Variants in PLPP4 observed in about 807,000 individuals in gnomAD.
PLPP4 encodes phospholipid phosphatase 4, also known as diacylglycerol pyrophosphate like 2.
Under a neutral mutation model 32.2 loss-of-function variants are expected in PLPP4, and 20 were observed. That is an observed-to-expected ratio of 0.62 (90% CI 0.44 to 0.90). The LOEUF is 0.90. Among genes scored for constraint, PLPP4 ranks in the 40% least tolerant of loss-of-function variants. The pLI, the probability that PLPP4 is intolerant of heterozygous loss-of-function variation, is 0.00. For missense variants in PLPP4, 257 were observed against 353.1 expected, an observed-to-expected ratio of 0.73 and a Z score of 2.18; for synonymous variants, 127 against 133.0, an observed-to-expected ratio of 0.95 and a Z score of 0.31.
intron 5 of PLPP4, among the ~76,000 whole-genome samples, chr10:120,560,778 G>A (rs914306492): frequency 6.6e-6 from 1 of 152,076 alleles, no homozygotes; most frequent in Non-Finnish European, 1.5e-5. Flanking sequence ...TAAAAAAATA[G>A]TGGTATTAAT....
intron 2 of PLPP4, among the ~76,000 whole-genome samples, chr10:120,506,041 T>G (rs1383579095): frequency 6.6e-6 from 1 of 152,196 alleles, no homozygotes; most frequent in Non-Finnish European, 1.5e-5. Flanking sequence ...CCACAAATAT[T>G]CTGGCTACAG....
At chr10:120,497,894 G>A (rs935838482) in intron 1 of PLPP4, among the ~76,000 whole-genome samples, 3 of 151,996 alleles carry the variant, frequency 2.0e-5, no homozygotes, top group African/African-American at 7.2e-5. Flanking sequence ...CAAAAAATTA[G>A]CCAGGCGTGG....
chr10:120,484,714 G>A (rs1046367479), intron 1 of PLPP4, among the ~76,000 whole-genome samples: 7 of 152,264 alleles, frequency 4.6e-5, no homozygotes, highest in South Asian at 2.1e-4. Context: ...GGACACATTC[G>A]AACCATAAAA....
chr10:120,516,736 C>T (rs1312617289), intron 3 of PLPP4, among the ~76,000 whole-genome samples: 2 of 152,172 alleles, frequency 1.3e-5, no homozygotes, highest in Admixed American at 6.5e-5. Context: ...TGGGTTATTG[C>T]TAATGAACAA....
At chr10:120,576,460 T>C (rs1849228600) in intron 6 of PLPP4, among the ~76,000 whole-genome samples, 1 of 152,216 alleles carries the variant, frequency 6.6e-6, no homozygotes, top group Admixed American at 6.5e-5. Flanking sequence ...AACTCCTAGC[T>C]GAGAGCCCCT....
intron 5 of PLPP4, among the ~76,000 whole-genome samples, chr10:120,526,642 C>T (rs1846405070): frequency 6.6e-6 from 1 of 152,154 alleles, no homozygotes; most frequent in African/African-American, 2.4e-5. Context: ...GGCATGCCCT[C>T]TACTCATCTG....
intron 1 of PLPP4, among the ~76,000 whole-genome samples, chr10:120,493,176 A>G (rs1391707840): frequency 6.6e-6 from 1 of 152,228 alleles, no homozygotes; most frequent in Non-Finnish European, 1.5e-5. Flanking sequence ...GTCAGAGCAC[A>G]TATGTTTCAT....
At chr10:120,577,784 T>C (rs1015250830) in intron 6 of PLPP4, among the ~76,000 whole-genome samples, 1 of 152,170 alleles carries the variant, frequency 6.6e-6, no homozygotes, top group Admixed American at 6.5e-5. Context: ...ACTTATACCC[T>C]TGGAGTCAGC....
At position 120,463,248 on chromosome 10, in the gene PLPP4, G is replaced by A. The variant is rs181242478; in HGVS notation, c.56+5887G>A. 1.8e-4 allele frequency among the ~76,000 whole-genome samples: 28 copies of A among 152,098 alleles called. No individual in the cohort carries two copies. In the South Asian group the frequency reaches 2.9e-3, roughly 16 times the overall value. ...TCACCATGTTAGCCAGGATGGTCTC[G>A]ATCTCCTGACCTCGTGATCTGCCCA... On this transcript the variant is annotated intron_variant, in intron 1 of 6. Coordinates refer to ENST00000398250, the MANE Select transcript of PLPP4 (RefSeq NM_001030059.3).
chr10:120,541,434 C>T (rs923249653), intron 5 of PLPP4, among the ~76,000 whole-genome samples: 1 of 152,190 alleles, frequency 6.6e-6, no homozygotes, highest in Non-Finnish European at 1.5e-5. Flanking sequence ...CTGACAGGTA[C>T]CTACTGGAAT....
chr10:120,471,478 T>C (rs559093819), intron 1 of PLPP4, among the ~76,000 whole-genome samples: 1 of 152,110 alleles, frequency 6.6e-6, no homozygotes, highest in East Asian at 1.9e-4. Context: ...GAGCTTTTAT[T>C]ATTATAAAAT....
rs10609637 is a variant in PLPP4, at chr10:120,580,115, C to CAA, written c.616+4837_616+4838dup. Among the ~76,000 whole-genome samples, 272 of 91,410 alleles carry CAA rather than the reference C, an allele frequency of 3.0e-3. 4 individuals carry two copies. The East Asian group carries it at 0.03, about 10-fold the overall frequency. 60.0% of individuals were successfully genotyped at this position (91,410 alleles called of 152,430 possible). On this transcript the variant is annotated intron_variant, in intron 6 of 6. Transcript: ENST00000398250. Reference sequence around the variant, plus strand: ...AGCCTGCGCGACAGAGCGAGACTCTCAAAAAAAAAAAAAAAAAAAAAAAAG... The same window carrying CAA: ...AGCCTGCGCGACAGAGCGAGACTCTCAAAAAAAAAAAAAAAAAAAAAAAAAAG...
At chr10:120,513,102 C>T (rs1043069568) in intron 2 of PLPP4, among the ~76,000 whole-genome samples, 44 of 152,290 alleles carry the variant, frequency 2.9e-4, no homozygotes, top group Non-Finnish European at 5.4e-4. Context: ...GGTTTAAAAA[C>T]AATTTACTAA....
chr10:120,583,681 T>C (rs1029379844), intron 6 of PLPP4, among the ~76,000 whole-genome samples: 15 of 152,346 alleles, frequency 9.8e-5, no homozygotes, highest in African/African-American at 3.6e-4. Flanking sequence ...TGCATATAAA[T>C]AGAACCATAC....
At chr10:120,517,813 G>A (rs1326383966) in intron 3 of PLPP4, among the ~76,000 whole-genome samples, 2 of 152,088 alleles carry the variant, frequency 1.3e-5, no homozygotes, top group East Asian at 1.9e-4. Context: ...AGAACAACAC[G>A]TTTGTCTCTC....
chr10:120,507,555 G>A lies in PLPP4; in HGVS notation c.165+3629G>A, dbSNP rs182557448. Reference sequence around the variant, plus strand: ...ACTGAGGAAATTATACAGCTTGTCCGAGATTATACAACTGTCAGTGGCTGA... The same window carrying A: ...ACTGAGGAAATTATACAGCTTGTCCAAGATTATACAACTGTCAGTGGCTGA... On this transcript the variant is annotated intron_variant, in intron 2 of 6. Coordinates refer to ENST00000398250, the MANE Select transcript of PLPP4 (RefSeq NM_001030059.3). Among the ~76,000 whole-genome samples, 359 of 152,300 alleles carry A rather than the reference G, an allele frequency of 2.4e-3. 3 individuals carry two copies. Among genetic ancestry groups the A allele is most frequent in the African/African-American group, 8.2e-3 (342 of 41,542 alleles).
intron 5 of PLPP4, among the ~76,000 whole-genome samples, chr10:120,569,001 G>A (rs2134034310): frequency 6.6e-6 from 1 of 152,252 alleles, no homozygotes; most frequent in South Asian, 2.1e-4. Flanking sequence ...CACTTTGGGA[G>A]GCCAAGGTGG....
intron 1 of PLPP4, among the ~76,000 whole-genome samples, chr10:120,467,075 T>C (rs538163745): frequency 6.6e-6 from 1 of 152,056 alleles, no homozygotes; most frequent in South Asian, 2.1e-4. Context: ...TATATAAGTA[T>C]GTGTAGGTTT....
At position 120,496,318 on chromosome 10, in the gene PLPP4, G is replaced by C. The variant is rs1844961151; in HGVS notation, c.57-7500G>C. On this transcript the variant is annotated intron_variant, in intron 1 of 6. Coordinates refer to ENST00000398250, the MANE Select transcript of PLPP4 (RefSeq NM_001030059.3). The stretch of plus-strand genomic sequence containing the variant: ...AGTGGCATCACTGTCCCTTGTCATG[G>C]ACTTGCTGTTTCTGCTGGTGTGATG... 2.6e-5 allele frequency among the ~76,000 whole-genome samples: 4 copies of C among 152,204 alleles called. No individual in the cohort carries two copies. In the South Asian group the frequency reaches 8.3e-4, roughly 32 times the overall value.
Sources: gnomAD v4.1 joint callset for allele counts (sites outside exome capture counted in the v4.1 genomes callset) on GRCh38, gnomAD v4.1.1 for gene constraint, MANE v1.5 for transcripts, NCBI Gene and HGNC (gene_info 2026-07-23, HGNC 2026-07-21) for gene names.